DMD: variants seen among roughly 807,000 people sequenced by gnomAD.
DMD encodes dystrophin, also known as mutant dystrophin.
A neutral mutation model predicts 330.1 loss-of-function variants in DMD; 63 were observed. The ratio of observed to expected loss-of-function variants is 0.19; its 90% CI spans 0.16 to 0.24. DMD has a LOEUF of 0.24. DMD is among the 10% of genes least tolerant of loss of function. The probability of loss-of-function intolerance (pLI) is 1.00; values close to 1 mark genes in which losing one functional copy is unlikely to be tolerated. For missense variants in DMD, 3,344 were observed against 2,684.1 expected (o/e 1.25, Z -5.43); for synonymous variants, 1,223 against 959.8 (o/e 1.27, Z -5.07).
intron 76 of DMD, 148 bp from the exon 77 acceptor site, chrX:31,134,342 G>T: frequency 4.6e-6 from 2 of 436,270 alleles, no homozygotes; most frequent in East Asian, 4.4e-5. Context: ...TAATGAGGAA[G>T]TAATTCTTTA....
At chrX:31,866,381 G>A (rs1298312945) in intron 48 of DMD, among the ~76,000 whole-genome samples, 4 of 111,697 alleles carry the variant, frequency 3.6e-5, no homozygotes, top group African/African-American at 9.8e-5. Context: ...TACCGTGTAC[G>A]TTCAGATGGG....
intron 2 of DMD, among the ~76,000 whole-genome samples, chrX:32,856,743 A>C (rs761973834): frequency 1.3e-4 from 14 of 111,711 alleles, no homozygotes; most frequent in Non-Finnish European, 2.1e-4. Context: ...TCTATTTGGC[A>C]ACACAAGAGG....
chrX:32,800,775 G>A (rs767424657), intron 7 of DMD, among the ~76,000 whole-genome samples: 19 of 110,364 alleles, frequency 1.7e-4, no homozygotes, highest in Non-Finnish European at 2.8e-4. Context: ...GTTCAACTCC[G>A]ATTTATGAGT....
At chrX:32,837,476 A>G (rs1244405516) in intron 4 of DMD, among the ~76,000 whole-genome samples, 1 of 111,351 alleles carries the variant, frequency 9.0e-6, no homozygotes, top group Non-Finnish European at 1.9e-5. Flanking sequence ...TCCCAACATG[A>G]GGGATTTTAT....
chrX:32,928,281 C>T (rs1288054203), intron 2 of DMD, among the ~76,000 whole-genome samples: 1 of 109,774 alleles, frequency 9.1e-6, no homozygotes, highest in Non-Finnish European at 1.9e-5. Context: ...CCCATCAACT[C>T]CATTTCCAGC....
At chrX:32,594,888 A>G (rs2055346453) in intron 13 of DMD, among the ~76,000 whole-genome samples, 2 of 111,872 alleles carry the variant, frequency 1.8e-5, no homozygotes, top group South Asian at 7.4e-4. Flanking sequence ...GAACTCAAGC[A>G]TGGATTCTTT....
intron 7 of DMD, among the ~76,000 whole-genome samples, chrX:32,763,202 ATCT>A (rs1401606343): frequency 2.7e-5 from 3 of 112,027 alleles, no homozygotes; most frequent in Non-Finnish European, 5.6e-5. Flanking sequence ...ATGCTAATTA[ATCT>A]TCTTCATTCA....
intron 76 of DMD, among the ~76,000 whole-genome samples, chrX:31,143,725 C>T (rs73460278): frequency 0.058 from 6,479 of 111,436 alleles, 381 homozygotes; most frequent in African/African-American, 0.18. Flanking sequence ...AGTGCTTTAA[C>T]GAGTATGCTG....
intron 25 of DMD, among the ~76,000 whole-genome samples, chrX:32,457,548 C>G (rs1301173395): frequency 9.0e-6 from 1 of 110,691 alleles, no homozygotes; most frequent in East Asian, 2.8e-4. Flanking sequence ...GAAAGGGATC[C>G]AGGTACGTAA....
At chrX:31,981,917 G>A (rs1309791847) in intron 44 of DMD, among the ~76,000 whole-genome samples, 1 of 112,034 alleles carries the variant, frequency 8.9e-6, no homozygotes, top group Non-Finnish European at 1.9e-5. Flanking sequence ...TAACACTGCA[G>A]ATGGGCAAAT....
intron 44 of DMD, among the ~76,000 whole-genome samples, chrX:32,064,944 A>G (rs1216519836): frequency 9.0e-6 from 1 of 111,152 alleles, no homozygotes. Flanking sequence ...CATCTGGCCT[A>G]CTGTTTAAAA....
At position 32,719,581 on chromosome X, in the gene DMD, T is replaced by C. The variant is rs778941233; in HGVS notation, c.650-20288A>G. On this transcript the variant is annotated intron_variant, in intron 7 of 78. Transcript: ENST00000357033. ...ATGCATTTGCCTCCAAATATTATAG[T>C]AAAATAATGGAATAACAAAATTTAA... is the stretch of plus-strand genomic sequence containing the variant. 1.7e-3 allele frequency among the ~76,000 whole-genome samples: 191 copies of C among 111,905 alleles called. 1 individual carries two copies. The highest frequency in any genetic ancestry group is 6.1e-3 in the African/African-American group (187 of 30,909).
At chrX:32,753,528 C>A (rs756719412) in intron 7 of DMD, among the ~76,000 whole-genome samples, 1 of 111,671 alleles carries the variant, frequency 9.0e-6, no homozygotes, top group South Asian at 3.8e-4. Context: ...CATAGTAAGC[C>A]ACACAGGGAG....
intron 62 of DMD, among the ~76,000 whole-genome samples, chrX:31,274,408 T>C (rs1057060051): frequency 8.9e-6 from 1 of 111,992 alleles, no homozygotes; most frequent in Non-Finnish European, 1.9e-5. Flanking sequence ...CAAGTGAATA[T>C]TGATTTGGTG....
At position 33,180,843 on chromosome X, in the gene DMD, C is replaced by CTTT. The variant is rs3990972; in HGVS notation, c.31+30436_31+30438dup. Among the ~76,000 whole-genome samples, 203 of 84,756 alleles carry CTTT rather than the reference C, an allele frequency of 2.4e-3. 1 individual carries two copies. The highest frequency in any genetic ancestry group is 8.7e-3 in the African/African-American group (193 of 22,165). 73.6% of individuals were successfully genotyped at this position (84,756 alleles called of 115,157 possible). ...CATATCGAGAGATAATGTCTAAGAG[C>CTTT]TTTTTTTTTTTTTTTTTTTAAGAGC... On this transcript the variant is annotated intron_variant, in intron 1 of 78. Coordinates refer to ENST00000357033, the MANE Select transcript of DMD (RefSeq NM_004006.3).
At chrX:31,488,347 T>A (rs1362540164) in intron 57 of DMD, among the ~76,000 whole-genome samples, 1 of 112,278 alleles carries the variant, frequency 8.9e-6, no homozygotes, top group African/African-American at 3.2e-5. Context: ...GAATGGATTA[T>A]TAGAAAACCC....
chrX:32,567,201 T>C (rs1044859155), intron 15 of DMD, among the ~76,000 whole-genome samples: 1 of 112,083 alleles, frequency 8.9e-6, no homozygotes, highest in Non-Finnish European at 1.9e-5. Flanking sequence ...GAGTATGTTA[T>C]AGTTCAGTCT....
chrX:33,009,424 A>C (rs1179814328), intron 2 of DMD, among the ~76,000 whole-genome samples: 2 of 35,308 alleles, frequency 5.7e-5, no homozygotes, highest in Non-Finnish European at 1.2e-4. Context: ...ACATGTGTGT[A>C]TATGTATGTG....
At chrX:32,910,380 AGGATT>A (rs1298516706) in intron 2 of DMD, among the ~76,000 whole-genome samples, 2 of 111,706 alleles carry the variant, frequency 1.8e-5, no homozygotes, top group Admixed American at 9.6e-5. Context: ...TGACTGTGGA[AGGATT>A]GATCCCAGGT....
Sources: allele counts gnomAD v4.1 joint callset (sites outside exome capture counted in the v4.1 genomes callset), GRCh38; gene constraint gnomAD v4.1.1; transcripts MANE v1.5; gene names NCBI Gene and HGNC (gene_info 2026-07-23, HGNC 2026-07-21).